The following MYO5C variants were observed in gnomAD, a reference collection of about 807,000 sequenced individuals.
The protein encoded by MYO5C is unconventional myosin-Vc.
Under a neutral mutation model 235.7 loss-of-function variants are expected in MYO5C, and 194 were observed. That is an observed-to-expected ratio of 0.82 (90% CI 0.73 to 0.93). The LOEUF is 0.93. Among genes scored for constraint, MYO5C ranks in the 40% least tolerant of loss-of-function variants. The probability of loss-of-function intolerance (pLI) is 0.00; values close to 1 mark genes in which losing one functional copy is unlikely to be tolerated. For missense variants in MYO5C, 2,038 were observed against 2,127.2 expected (o/e 0.96, Z 0.82); for synonymous variants, 707 against 754.8 (o/e 0.94, Z 1.04).
chr15:52,278,305 C>T (rs1413508166), intron 4 of MYO5C, among the ~76,000 whole-genome samples: 3 of 152,174 alleles, frequency 2.0e-5, no homozygotes, highest in African/African-American at 7.2e-5. Context: ...CTGTTTACTG[C>T]CCAGACATTT....
chr15:52,201,188 G>T (rs2035180050), intron 38 of MYO5C, among the ~76,000 whole-genome samples: 1 of 151,998 alleles, frequency 6.6e-6, no homozygotes. Flanking sequence ...AGAAGCTCAG[G>T]AAATTCCAAA....
rs1163387187 is a variant in MYO5C at position 52,286,251 on chromosome 15, C to CCCG, written c.28-3360_28-3359insCGG. Among the ~76,000 whole-genome samples, 280 of 151,508 alleles carry CCCG rather than the reference C, an allele frequency of 1.8e-3. 10 individuals carry two copies. In the Middle Eastern group the frequency reaches 0.021, roughly 11 times the overall value. ...GGTCAGCCCCCGCCAGGCCAGCCGC[C>CCCG]TCGTCTGGGAGGGAGGTGGGGGTCA... On this transcript the variant is annotated intron_variant, in intron 1 of 40. Coordinates refer to ENST00000261839, the MANE Select transcript of MYO5C (RefSeq NM_018728.4).
intron 24 of MYO5C, 77 bp from the exon 25 acceptor site, chr15:52,229,390 CA>C (rs765978013): frequency 3.6e-6 from 5 of 1,403,932 alleles, no homozygotes; most frequent in Non-Finnish European, 4.9e-6. Context: ...TTTGGGAGGC[CA>C]AGGCAGGCGG....
chr15:52,285,380 AAAC>A (rs1320207825), intron 1 of MYO5C, among the ~76,000 whole-genome samples: 5 of 149,346 alleles, frequency 3.3e-5, no homozygotes, highest in African/African-American at 1.2e-4. Flanking sequence ...AATGAAAAAA[AAAC>A]AAACAGGCTC....
intron 1 of MYO5C, 73 bp downstream of exon 1, chr15:52,295,537 G>A (rs909303611): frequency 1.4e-6 from 2 of 1,478,160 alleles, no homozygotes; most frequent in Non-Finnish European, 1.8e-6. Context: ...TGTGGCCCGG[G>A]CGCCAGGTCG....
At position 52,261,150 on chromosome 15, in the gene MYO5C, C is replaced by A. The variant is rs765463246; in HGVS notation, c.1048-23G>T. On this transcript the variant is annotated intron_variant, in intron 9 of 40. Coordinates refer to ENST00000261839, the MANE Select transcript of MYO5C (RefSeq NM_018728.4). Reference sequence around the variant, plus strand: ...CTCCTTCAAAAACAAGCACAAGCCCCGTCAGGTGGCCCAGCCATCCAAAGA... The same window carrying A: ...CTCCTTCAAAAACAAGCACAAGCCCAGTCAGGTGGCCCAGCCATCCAAAGA... 1.9e-6 allele frequency: 3 copies of A among 1,609,644 alleles called. No homozygotes were observed. In the South Asian group the frequency reaches 3.3e-5, roughly 18 times the overall value.
chr15:52,203,490 C>T (rs1261506516), intron 38 of MYO5C, among the ~76,000 whole-genome samples: 1 of 152,104 alleles, frequency 6.6e-6, no homozygotes, highest in East Asian at 1.9e-4. Flanking sequence ...GGATTACAGG[C>T]ATGTGCCACA....
rs185589095 is a variant in MYO5C, at chr15:52,215,918, T to C, written c.3955-1228A>G. Among the ~76,000 whole-genome samples, 3 of 152,332 alleles carry C rather than the reference T, an allele frequency of 2.0e-5. No homozygotes were observed. In the East Asian group the frequency reaches 5.8e-4, roughly 29 times the overall value. ...CAACAATTTAACCTTTGCTCTATTG[T>C]TAGGTATGCATTTCTCTCCTTTGGG... On this transcript the variant is annotated intron_variant, in intron 32 of 40. Transcript: ENST00000261839.
chr15:52,266,447 C>T (rs1164313114), intron 8 of MYO5C, among the ~76,000 whole-genome samples: 2 of 152,184 alleles, frequency 1.3e-5, no homozygotes, highest in Non-Finnish European at 2.9e-5. Context: ...CAAAATGCCT[C>T]CCCTCGCGCT....
intron 20 of MYO5C, among the ~76,000 whole-genome samples, chr15:52,240,552 AAG>A (rs2036193983): frequency 2.3e-5 from 3 of 129,434 alleles, no homozygotes; most frequent in Non-Finnish European, 3.5e-5. Context: ...AAAAAAGAAA[AAG>A]AAGAAAAAAG....
At chr15:52,260,841 G>A (rs2036677967) in intron 10 of MYO5C, 21 bp downstream of exon 10, 2 of 1,610,900 alleles carry the variant, frequency 1.2e-6, no homozygotes, top group Non-Finnish European at 8.5e-7. Flanking sequence ...GGAAAGACAG[G>A]CTCACTGAAG....
At chr15:52,199,789 A>G (rs1214719697) in intron 38 of MYO5C, among the ~76,000 whole-genome samples, 1 of 152,168 alleles carries the variant, frequency 6.6e-6, no homozygotes, top group Non-Finnish European at 1.5e-5. Flanking sequence ...TTCCCTTCCA[A>G]TTGGAGGATC....
Position 52,193,912 on chromosome 15 carries a change from T to C in MYO5C, c.5219A>G (p.Asn1740Ser), listed in dbSNP as rs1298541390. 3 of 1,612,922 alleles carry C rather than the reference T, an allele frequency of 1.9e-6. No homozygotes were observed. Residue 1740 changes from asparagine to serine, a missense_variant, in exon 41 of 41, where the codon AAT (asparagine) becomes AGT (serine). Transcript: ENST00000261839. Reference protein sequence around the residue: ...IPSSFKLGFLNRL With the variant: ...IPSSFKLGFLSRL ...TGACTTTTTCTCCTGCTATAACCTA[T>C]TCAGAAAGCCTAGCTTGAAACTGCT...
At chr15:52,289,693 C>T (rs997958231) in intron 1 of MYO5C, among the ~76,000 whole-genome samples, 5 of 152,006 alleles carry the variant, frequency 3.3e-5, no homozygotes, top group Non-Finnish European at 7.4e-5. Flanking sequence ...TTTCTTTGGG[C>T]AGACAGACTC....
In MYO5C at chr15:52,213,049, G is replaced by A. The variant is rs112497152; in HGVS notation, c.4141+139C>T. On this transcript the variant is annotated intron_variant, in intron 34 of 40. Coordinates refer to ENST00000261839, the MANE Select transcript of MYO5C (RefSeq NM_018728.4). ...GAGTTAACAGGTCAACAGTGCTGAGGTTGAGAAACTCTGGGCTGGGGGAAG... is the reference window on the plus strand; with the variant it reads ...GAGTTAACAGGTCAACAGTGCTGAGATTGAGAAACTCTGGGCTGGGGGAAG... The A allele has an allele frequency of 6.9e-4, 437 of 636,840 alleles. 2 individuals are homozygous for A. In the African/African-American group the frequency reaches 7.4e-3, roughly 11 times the overall value. 39.4% of individuals were successfully genotyped at this position (636,840 alleles called of 1,614,324 possible). A position where few individuals can be genotyped will look rare whatever the true frequency, so the allele number is the denominator to read the frequency against.
intron 20 of MYO5C, 127 bp from the exon 21 acceptor site, chr15:52,240,006 C>A: frequency 2.2e-6 from 2 of 925,202 alleles, no homozygotes; most frequent in Non-Finnish European, 3.2e-6. Flanking sequence ...CCTGCACAGC[C>A]GTATTACAGC....
Position 52,225,156 on chromosome 15 carries a change from AGTT to A in MYO5C, c.3302-21_3302-19del. Reference sequence around the variant, plus strand: ...CATCTTTTCTGAAAGGGAAAGGCAGAGTTGTATATATTACATTTGTGGATGATT... The same window carrying A: ...CATCTTTTCTGAAAGGGAAAGGCAGAGTATATATTACATTTGTGGATGATT... On this transcript the variant is annotated intron_variant, in intron 26 of 40. Coordinates refer to ENST00000261839, the MANE Select transcript of MYO5C (RefSeq NM_018728.4). 1 of 1,613,088 alleles carries A rather than the reference AGTT, an allele frequency of 6.2e-7. No individual in the cohort carries two copies. Among genetic ancestry groups the A allele is most frequent in the Non-Finnish European group, 8.5e-7 (1 of 1,179,394 alleles).
intron 1 of MYO5C, among the ~76,000 whole-genome samples, chr15:52,295,399 G>A (rs2037479386): frequency 6.6e-6 from 1 of 152,168 alleles, no homozygotes; most frequent in Admixed American, 6.5e-5. Context: ...CAGGGACGGA[G>A]CACGCCGGGG....
At chr15:52,204,748 A>G in intron 38 of MYO5C, 117 bp downstream of exon 38, 1 of 1,240,638 alleles carries the variant, frequency 8.1e-7, no homozygotes, top group Non-Finnish European at 1.1e-6. Flanking sequence ...CTACAGCAGT[A>G]GGGCCTAAAC....
Sources: gnomAD v4.1 joint callset for allele counts (sites outside exome capture counted in the v4.1 genomes callset) on GRCh38, gnomAD v4.1.1 for gene constraint, MANE v1.5 for transcripts, NCBI Gene and HGNC (gene_info 2026-07-23, HGNC 2026-07-21) for gene names.